Variants in MAP2 observed in about 807,000 individuals in gnomAD.
The protein encoded by MAP2 is microtubule associated protein 2.
MAP2 carries 14 observed loss-of-function variants against 137.6 expected under a neutral mutation model. The observed-to-expected ratio is 0.10, with a 90% confidence interval of 0.07 to 0.16. MAP2 has a LOEUF of 0.16. MAP2 is among the 10% of genes least tolerant of loss of function. MAP2 has a pLI of 1.00. For synonymous variants in MAP2, 786 were observed against 782.3 expected (o/e 1.00, Z -0.08); for missense variants, 2,088 against 2,191.5 (o/e 0.95, Z 0.94).
chr2:209,530,128 A>G (rs532918346), intron 2 of MAP2, among the ~76,000 whole-genome samples: 4 of 152,114 alleles, frequency 2.6e-5, no homozygotes, highest in Admixed American at 1.3e-4. Flanking sequence ...TGCAACTTCC[A>G]TTTTGTTTCC....
At chr2:209,484,190 T>C (rs1228329970) in intron 1 of MAP2, among the ~76,000 whole-genome samples, 2 of 152,212 alleles carry the variant, frequency 1.3e-5, no homozygotes, top group East Asian at 3.9e-4. Context: ...GCCATTTGTG[T>C]TGACTTAGTA....
chr2:209,634,428 G>A (rs1022001311), intron 4 of MAP2, among the ~76,000 whole-genome samples: 1 of 152,072 alleles, frequency 6.6e-6, no homozygotes, highest in Admixed American at 6.6e-5. Flanking sequence ...GTCAGCCAGG[G>A]TCCAGACTTC....
intron 2 of MAP2, among the ~76,000 whole-genome samples, chr2:209,524,779 C>G (rs2150448489): frequency 6.6e-6 from 1 of 152,166 alleles, no homozygotes; most frequent in East Asian, 1.9e-4. Flanking sequence ...AAGACATTCA[C>G]TAATTTATTT....
At chr2:209,641,437 A>AT (rs1250501510) in intron 4 of MAP2, among the ~76,000 whole-genome samples, 1 of 151,972 alleles carries the variant, frequency 6.6e-6, no homozygotes, top group Non-Finnish European at 1.5e-5. Flanking sequence ...TATGATTAGA[A>AT]TTTTTTCTCC....
chr2:209,648,546 C>T (rs894984531), intron 4 of MAP2, among the ~76,000 whole-genome samples: 1 of 147,126 alleles, frequency 6.8e-6, no homozygotes, highest in East Asian at 2.0e-4. Context: ...TCCTTGCTCA[C>T]ATTATCAAGC....
intron 3 of MAP2, among the ~76,000 whole-genome samples, chr2:209,586,647 G>T (rs2077805656): frequency 6.6e-6 from 1 of 152,128 alleles, no homozygotes; most frequent in East Asian, 1.9e-4. Flanking sequence ...TAAGAGATTT[G>T]CTTCTTAAAC....
intron 4 of MAP2, among the ~76,000 whole-genome samples, chr2:209,635,462 CTG>C (rs1267968365): frequency 6.6e-6 from 1 of 152,078 alleles, no homozygotes; most frequent in African/African-American, 2.4e-5. Context: ...GTTTAAAAAA[CTG>C]TGATGTTTTG....
chr2:209,574,338 C>G (rs968348524), intron 2 of MAP2, among the ~76,000 whole-genome samples: 1 of 152,012 alleles, frequency 6.6e-6, no homozygotes, highest in Non-Finnish European at 1.5e-5. Context: ...CTTTCTGTGT[C>G]TAATGTACTA....
At chr2:209,435,998 T>G (rs11891231) in intron 1 of MAP2, among the ~76,000 whole-genome samples, 1 of 88,806 alleles carries the variant, frequency 1.1e-5, no homozygotes, top group Non-Finnish European at 2.0e-5. Flanking sequence ...TATTATATAC[T>G]ATATATACAG....
At chr2:209,490,605 CAAAAAAAAAAAAAAAAAAAA>C (rs59133937) in intron 1 of MAP2, among the ~76,000 whole-genome samples, 1 of 5,560 alleles carries the variant, frequency 1.8e-4, no homozygotes, top group African/African-American at 7.4e-4. Context: ...AAATGGAAAG[CAAAAAAAAAAAAAAAAAAAA>C]AAAAAAAAAA....
chr2:209,516,409 T>G (rs987899982), intron 2 of MAP2, among the ~76,000 whole-genome samples: 1 of 152,064 alleles, frequency 6.6e-6, no homozygotes, highest in Non-Finnish European at 1.5e-5. Context: ...GGTACAATAC[T>G]AAGGTGCAAG....
At chr2:209,476,177 C>T (rs1707164592) in intron 1 of MAP2, among the ~76,000 whole-genome samples, 1 of 152,026 alleles carries the variant, frequency 6.6e-6, no homozygotes, top group African/African-American at 2.4e-5. Context: ...CTTCTCGAGA[C>T]CATGATTGTG....
At chr2:209,726,844 A>C (rs935232524) in intron 14 of MAP2, among the ~76,000 whole-genome samples, 2 of 152,176 alleles carry the variant, frequency 1.3e-5, no homozygotes, top group African/African-American at 2.4e-5. Context: ...ATTTTGACAC[A>C]ATTCATTTAT....
intron 4 of MAP2, among the ~76,000 whole-genome samples, chr2:209,632,564 C>G (rs563487938): frequency 7.9e-5 from 12 of 152,218 alleles, no homozygotes; most frequent in African/African-American, 2.2e-4. Flanking sequence ...ATCTTCAACT[C>G]CAGTCCTGAG....
intron 5 of MAP2, among the ~76,000 whole-genome samples, chr2:209,676,601 G>A (rs1352390015): frequency 6.6e-6 from 1 of 151,106 alleles, no homozygotes; most frequent in Non-Finnish European, 1.5e-5. Flanking sequence ...TAGTGTGGGA[G>A]ATAAGCCATG....
intron 5 of MAP2, among the ~76,000 whole-genome samples, chr2:209,675,258 G>A (rs554170458): frequency 6.6e-6 from 1 of 151,602 alleles, no homozygotes; most frequent in African/African-American, 2.4e-5. Context: ...ACAACTTTTG[G>A]TTAAACATAT....
chr2:209,481,817 A>G (rs905285264), intron 1 of MAP2, among the ~76,000 whole-genome samples: 1 of 152,076 alleles, frequency 6.6e-6, no homozygotes, highest in Non-Finnish European at 1.5e-5. Flanking sequence ...TTATCCCTAA[A>G]CCTCTCTTCT....
intron 2 of MAP2, among the ~76,000 whole-genome samples, chr2:209,546,067 C>T (rs937839041): frequency 3.9e-5 from 6 of 152,066 alleles, no homozygotes; most frequent in African/African-American, 1.4e-4. Flanking sequence ...GGCGTGAACC[C>T]GGGAGGCAGA....
chr2:209,426,649 A>G (rs6435527), intron 1 of MAP2, among the ~76,000 whole-genome samples: 53,706 of 152,082 alleles, frequency 0.35, 10,440 homozygotes, highest in African/African-American at 0.51. Flanking sequence ...GAAACCAAAC[A>G]CCAGGAGCAC....
Sources: gnomAD v4.1 joint callset for allele counts (sites outside exome capture counted in the v4.1 genomes callset) on GRCh38, gnomAD v4.1.1 for gene constraint, MANE v1.5 for transcripts, NCBI Gene and HGNC (gene_info 2026-07-23, HGNC 2026-07-21) for gene names.